The following SLF2 variants were observed in gnomAD, a reference collection of about 807,000 sequenced individuals.
The protein encoded by SLF2 is SMC5-SMC6 complex localization factor protein 2.
A neutral mutation model predicts 124.3 loss-of-function variants in SLF2; 68 were observed. The observed-to-expected ratio is 0.55, with a 90% CI of 0.45 to 0.67. The LOEUF (loss-of-function observed/expected upper bound fraction) is 0.67, where lower values mean the gene tolerates loss of function less well. SLF2 is among the 30% of genes least tolerant of loss of function. The probability of loss-of-function intolerance (pLI) is 0.00; values close to 1 mark genes in which losing one functional copy is unlikely to be tolerated. For synonymous variants in SLF2, 480 were observed against 478.8 expected (o/e 1.00, Z -0.03); for missense variants, 1,246 against 1,373.7 (o/e 0.91, Z 1.47).
At position 100,947,888 on chromosome 10, in the gene SLF2, G is replaced by A. The variant is rs867528714; in HGVS notation, c.3120+41G>A. ...TTTTTATTTTTAATAAATGGGAGAG[G>A]TAATGAGAGGTGTAAGGAAAATTGA... On this transcript the variant is annotated intron_variant, in intron 15 of 19. Coordinates refer to ENST00000238961, the MANE Select transcript of SLF2 (RefSeq NM_018121.4). 8 of 1,463,354 alleles carry A rather than the reference G, an allele frequency of 5.5e-6. No individual in the cohort carries two copies. The Middle Eastern group carries it at 9.4e-4, about 171-fold the overall frequency. 90.6% of individuals were successfully genotyped at this position (1,463,354 alleles called of 1,614,324 possible).
chr10:100,950,573 C>A, intron 16 of SLF2, 103 bp from the exon 17 acceptor site: 2 of 964,944 alleles, frequency 2.1e-6, no homozygotes, highest in Non-Finnish European at 3.2e-6. Flanking sequence ...GTTAACTTGA[C>A]CGTATCCTTT....
At chr10:100,916,068 TG>T (rs1373126604) in intron 2 of SLF2, 26 bp downstream of exon 2, 1 of 1,597,788 alleles carries the variant, frequency 6.3e-7, no homozygotes, top group Non-Finnish European at 8.6e-7. Context: ...ATGCATTTTT[TG>T]TGGGCTATTT....
rs201219156 is a variant in SLF2, at chr10:100,924,711, A to T, written c.1710A>T (p.Ala570=). The T allele has an allele frequency of 5.6e-6, 9 of 1,614,200 alleles. No individual in the cohort carries two copies. The highest frequency in any genetic ancestry group is 7.6e-6 in the Non-Finnish European group (9 of 1,180,034). Residue 570 remains alanine (A), a synonymous_variant, in exon 5 of 20, where the codon GCA becomes GCT. Coordinates refer to ENST00000238961, the MANE Select transcript of SLF2 (RefSeq NM_018121.4). The stretch of plus-strand genomic sequence containing the variant: ...TTGTGCCATGTATCCCAAGCCCTGC[A>T]GCACCTTCAGATAAAGCCCCTTCAG... The part of the protein sequence containing the change: ...LEVVPCIPSP[A]APSDKAPSEG...
chr10:100,930,803 C>T (rs542856894), intron 8 of SLF2, among the ~76,000 whole-genome samples, 173 bp from the exon 9 acceptor site: 1 of 152,150 alleles, frequency 6.6e-6, no homozygotes, highest in South Asian at 2.1e-4. Flanking sequence ...TTTAGGCCAT[C>T]AATTAAATTT....
In SLF2 at chr10:100,964,040, T is replaced by G. The variant is rs1410826913; in HGVS notation, c.*2128T>G. ...GGTCATAGTCCAGTCAGTATTTGCATTTGGGTTCTCATGAAAACTTTGTGA... is the reference window on the plus strand; with the variant it reads ...GGTCATAGTCCAGTCAGTATTTGCAGTTGGGTTCTCATGAAAACTTTGTGA... On this transcript the variant is annotated 3_prime_UTR_variant, in exon 20 of 20. Coordinates refer to ENST00000238961, the MANE Select transcript of SLF2 (RefSeq NM_018121.4). The G allele has an allele frequency of 1.3e-5, 2 of 152,624 alleles. No homozygotes were observed. The highest frequency in any genetic ancestry group is 2.9e-5 in the Non-Finnish European group (2 of 68,032). The allele number at this position is 152,624 out of a possible 1,614,324, so 9.5% of individuals were successfully genotyped here.
rs762068217 is a variant in SLF2 at position 100,929,867 on chromosome 10, A to G, written c.2203A>G (p.Ile735Val). ...LKKFSVTIDA[I>V]PDHHPGEEIF... is the part of the protein sequence containing the mutation. The stretch of plus-strand genomic sequence containing the variant: ...GAAATTTTCAGTTACAATTGATGCT[A>G]TTCCTGATCATCATCCAGGTGAAGA... Residue 735 changes from isoleucine (I) to valine (V), a missense_variant, in exon 8 of 20, where the codon ATT (isoleucine) becomes GTT (valine). Physicochemically the swap from Ile to Val is conservative, Grantham distance 29. This residue lies in a region of SLF2 where 535 missense variants were observed against 632.8 expected (regional missense o/e 0.85). Coordinates refer to ENST00000238961, the MANE Select transcript of SLF2 (RefSeq NM_018121.4). 1.3e-6 allele frequency: 2 copies of G among 1,591,352 alleles called. No individual in the cohort carries two copies. Among genetic ancestry groups the G allele is most frequent in the Non-Finnish European group, 1.7e-6 (2 of 1,173,358 alleles).
Position 100,912,984 on chromosome 10 carries a change from A to G in SLF2, c.-127A>G, listed in dbSNP as rs919475895. 5.3e-5 allele frequency: 53 copies of G among 1,003,460 alleles called. No homozygotes were observed. The highest frequency in any genetic ancestry group is 7.4e-5 in the Non-Finnish European group (51 of 689,496). The allele number at this position is 1,003,460 out of a possible 1,614,324, so 62.2% of individuals were successfully genotyped here. On this transcript the variant is annotated 5_prime_UTR_variant, in exon 1 of 20. The change abolishes an upstream ATG in the 5' untranslated region. Coordinates refer to ENST00000238961, the MANE Select transcript of SLF2 (RefSeq NM_018121.4). The stretch of plus-strand genomic sequence containing the variant: ...AGTCACTTCCGAAGAGAGAACCGCC[A>G]TGAAGAGAGAAGGGGGTGCCGCCCA...
chr10:100,943,429 C>T (rs1053547048), intron 11 of SLF2, among the ~76,000 whole-genome samples: 2 of 152,094 alleles, frequency 1.3e-5, no homozygotes, highest in Non-Finnish European at 2.9e-5. Flanking sequence ...CATACTGTAC[C>T]TTAATATATT....
At chr10:100,925,819 T>C in intron 5 of SLF2, 130 bp from the exon 6 acceptor site, 1 of 886,550 alleles carries the variant, frequency 1.1e-6, no homozygotes, top group Admixed American at 3.1e-5. Context: ...AAATTATCCT[T>C]TAAGAAAGGT....
At chr10:100,928,273 A>C (rs1849657973) in intron 6 of SLF2, among the ~76,000 whole-genome samples, 1 of 152,144 alleles carries the variant, frequency 6.6e-6, no homozygotes, top group Admixed American at 6.5e-5. Flanking sequence ...GGAAGTTGGT[A>C]TGTGCTACAT....
intron 15 of SLF2, among the ~76,000 whole-genome samples, chr10:100,948,840 C>T (rs1367315081): frequency 6.6e-6 from 1 of 152,150 alleles, no homozygotes; most frequent in Admixed American, 6.5e-5. Flanking sequence ...GAGCCGAGAT[C>T]ACGCCACCGC....
Position 100,913,258 on chromosome 10 carries a change from G to A in SLF2, c.140+8G>A. On this transcript the variant is annotated splice_region_variant and intron_variant, in intron 1 of 19. Transcript: ENST00000238961. The stretch of plus-strand genomic sequence containing the variant: ...AGAGAGTCCTGGGGACAGGTACCGT[G>A]CAGAGGGCTTGAGAAGGGGCCGGGT... The A allele has an allele frequency of 1.3e-6, 2 of 1,588,978 alleles. No individual in the cohort carries two copies. The highest frequency in any genetic ancestry group is 1.7e-4 in the Middle Eastern group (1 of 5,996).
chr10:100,937,315 T>C (rs1849883707), intron 9 of SLF2, 87 bp from the exon 10 acceptor site: 1 of 1,092,618 alleles, frequency 9.2e-7, no homozygotes. Flanking sequence ...CTGGCCTACA[T>C]AAAACAACTT....
rs774176674 is a variant in SLF2, at chr10:100,923,962, A to C, written c.974-13A>C. The C allele has an allele frequency of 8.5e-5, 127 of 1,492,528 alleles. No individual in the cohort carries two copies. Among genetic ancestry groups the C allele is most frequent in the Non-Finnish European group, 1.0e-4 (118 of 1,123,962 alleles). The allele number at this position is 1,492,528 out of a possible 1,614,324, so 92.5% of individuals were successfully genotyped here. On this transcript the variant is annotated splice_polypyrimidine_tract_variant and intron_variant, in intron 4 of 19. Coordinates refer to ENST00000238961, the MANE Select transcript of SLF2 (RefSeq NM_018121.4). ...GTATATTTTTCACTAATCTAACAAA[A>C]ATTAAATTTTAGCAGGCTCTAAGCA... is the stretch of plus-strand genomic sequence containing the variant.
chr10:100,932,720 T>TGTGTGTGC (rs763852210), intron 9 of SLF2, among the ~76,000 whole-genome samples: 1,940 of 36,140 alleles, frequency 0.054, 28 homozygotes, highest in South Asian at 0.086. Context: ...TGTGTGTGTG[T>TGTGTGTGC]GCGCGCGCGC....
chr10:100,935,282 C>G (rs1331733724), intron 9 of SLF2, among the ~76,000 whole-genome samples: 1 of 152,076 alleles, frequency 6.6e-6, no homozygotes, highest in Non-Finnish European at 1.5e-5. Context: ...GTAATCCCAG[C>G]TACTGGGGAG....
At chr10:100,928,895 GTTAAC>G (rs568823707) in intron 6 of SLF2, among the ~76,000 whole-genome samples, 153 of 152,276 alleles carry the variant, frequency 1.0e-3, no homozygotes, top group Non-Finnish European at 2.0e-3. Context: ...AGAAAGCCTA[GTTAAC>G]TTATCAGGTT....
At chr10:100,944,347 TAGC>T (rs991871115) in intron 12 of SLF2, among the ~76,000 whole-genome samples, 2 of 151,766 alleles carry the variant, frequency 1.3e-5, no homozygotes, top group Non-Finnish European at 2.9e-5. Context: ...TACAAAAAAT[TAGC>T]CAGGCATGGC....
chr10:100,959,738 G>C (rs1850394968), intron 19 of SLF2: 1 of 604,382 alleles, frequency 1.7e-6, no homozygotes, highest in Non-Finnish European at 2.5e-6. Flanking sequence ...ATCAAATGGA[G>C]GTTATTCAAT....
Sources: allele counts gnomAD v4.1 joint callset (sites outside exome capture counted in the v4.1 genomes callset), GRCh38; gene constraint gnomAD v4.1.1; regional missense constraint gnomAD v4.1.1; transcripts MANE v1.5; gene names NCBI Gene and HGNC (gene_info 2026-07-23, HGNC 2026-07-21).